AFF3: variants seen among roughly 807,000 people sequenced by gnomAD.
The protein encoded by AFF3 is ALF transcription elongation factor 3, also known as AF4/FMR2 family member 3.
A neutral mutation model predicts 129.7 loss-of-function variants in AFF3; 32 were observed. That is an observed-to-expected ratio of 0.25 (90% confidence interval 0.19 to 0.33). The LOEUF is 0.33. Ranked by LOEUF, AFF3 falls within the 10% of genes least tolerant of loss-of-function variation. The probability of loss-of-function intolerance (pLI) is 1.00; values close to 1 mark genes in which losing one functional copy is unlikely to be tolerated. For synonymous variants in AFF3, 644 were observed against 635.4 expected, an observed-to-expected ratio of 1.01 and a Z score of -0.20; for missense variants, 1,373 against 1,592.0, an observed-to-expected ratio of 0.86 and a Z score of 2.34.
intron 13 of AFF3, among the ~76,000 whole-genome samples, chr2:99,646,230 T>C (rs1051258984): frequency 6.6e-6 from 1 of 152,130 alleles, no homozygotes. Flanking sequence ...AGGTTGAGGC[T>C]CAGTGGAAGT....
intron 13 of AFF3, among the ~76,000 whole-genome samples, chr2:99,623,987 G>A (rs1464043859): frequency 2.0e-5 from 3 of 152,212 alleles, no homozygotes; most frequent in Admixed American, 6.5e-5. Flanking sequence ...ATTTCAATAT[G>A]CCAACCACAG....
intron 11 of AFF3, among the ~76,000 whole-genome samples, chr2:99,687,949 T>C (rs1675230029): frequency 6.6e-6 from 1 of 152,170 alleles, no homozygotes; most frequent in Non-Finnish European, 1.5e-5. Flanking sequence ...TTCAAGCTGT[T>C]CTCCTGCCTC....
At chr2:100,124,911 A>G (rs1168630889) in intron 2 of AFF3, among the ~76,000 whole-genome samples, 1 of 152,216 alleles carries the variant, frequency 6.6e-6, no homozygotes, top group African/African-American at 2.4e-5. Context: ...GATTCTGGGA[A>G]CCTTGATCAG....
intron 4 of AFF3, among the ~76,000 whole-genome samples, chr2:100,092,680 G>C (rs1370053280): frequency 1.1e-4 from 17 of 152,112 alleles, no homozygotes; most frequent in Non-Finnish European, 2.1e-4. Flanking sequence ...TTCACAACTT[G>C]CTAATTTTCA....
intron 4 of AFF3, among the ~76,000 whole-genome samples, chr2:100,076,584 C>T (rs557208900): frequency 4.6e-5 from 7 of 152,274 alleles, no homozygotes; most frequent in Non-Finnish European, 8.8e-5. Flanking sequence ...ACCACTGAGT[C>T]CAAGTAAACA....
chr2:99,894,214 A>G (rs1437790878), intron 7 of AFF3, among the ~76,000 whole-genome samples: 1 of 140,078 alleles, frequency 7.1e-6, no homozygotes, highest in Non-Finnish European at 1.5e-5. Flanking sequence ...CCTTTTTTTG[A>G]AAAAAAAAAA....
At chr2:99,931,865 T>C (rs7573669) in intron 7 of AFF3, among the ~76,000 whole-genome samples, 38,131 of 152,078 alleles carry the variant, frequency 0.25, 7,559 homozygotes, top group African/African-American at 0.55. Flanking sequence ...GCCGAAATGG[T>C]GCCATTGCAC....
intron 10 of AFF3, among the ~76,000 whole-genome samples, chr2:99,739,017 T>TTTTTTC (rs1228434247): frequency 1.3e-5 from 2 of 151,498 alleles, no homozygotes; most frequent in Non-Finnish European, 2.9e-5. Flanking sequence ...TGTTCAATTT[T>TTTTTTC]TTTTTTTTTT....
At chr2:99,723,165 CG>C (rs1679058560) in intron 11 of AFF3, among the ~76,000 whole-genome samples, 1 of 152,220 alleles carries the variant, frequency 6.6e-6, no homozygotes, top group East Asian at 1.9e-4. Context: ...TGTGTGTGCA[CG>C]CATGTTAAGA....
intron 7 of AFF3, among the ~76,000 whole-genome samples, chr2:99,947,657 C>T (rs185695225): frequency 4.1e-4 from 59 of 145,156 alleles, no homozygotes; most frequent in Admixed American, 9.9e-4. Flanking sequence ...GATAGATAGA[C>T]AGACAGACAG....
intron 7 of AFF3, among the ~76,000 whole-genome samples, chr2:99,933,239 G>T (rs1265042724): frequency 2.0e-5 from 3 of 152,084 alleles, no homozygotes; most frequent in Non-Finnish European, 4.4e-5. Flanking sequence ...TCAAAGACTT[G>T]GGGATTACTT....
At chr2:99,993,846 C>A (rs1190003838) in intron 7 of AFF3, among the ~76,000 whole-genome samples, 1 of 115,110 alleles carries the variant, frequency 8.7e-6, no homozygotes, top group Admixed American at 1.2e-4. Context: ...AATCTTGTTG[C>A]CCAGGCTGGA....
rs72966479 is a variant in AFF3 at position 100,080,303 on chromosome 2, G to A, written c.53+24099C>T. Among the ~76,000 whole-genome samples the A allele has an allele frequency of 8.7e-3, 1,332 of 152,278 alleles. 16 individuals are homozygous for A. The highest frequency in any genetic ancestry group is 0.029 in the African/African-American group (1,213 of 41,558). Reference sequence around the variant, plus strand: ...AATATAGGTAAAGATGCTATTATTAGTAGTTAGATGTTTATTGTAATTTTG... The same window carrying A: ...AATATAGGTAAAGATGCTATTATTAATAGTTAGATGTTTATTGTAATTTTG... On this transcript the variant is annotated intron_variant, in intron 4 of 24. Coordinates refer to ENST00000672756, the MANE Select transcript of AFF3 (RefSeq NM_001386135.1).
At chr2:99,988,877 G>T (rs1680101222) in intron 7 of AFF3, among the ~76,000 whole-genome samples, 1 of 152,094 alleles carries the variant, frequency 6.6e-6, no homozygotes, top group Admixed American at 6.6e-5. Context: ...ATATTTATTT[G>T]GCAGTCTATG....
chr2:99,996,318 G>A (rs1680823545), intron 7 of AFF3, among the ~76,000 whole-genome samples: 1 of 152,144 alleles, frequency 6.6e-6, no homozygotes, highest in African/African-American at 2.4e-5. Flanking sequence ...AAAAAGACCA[G>A]AAGGATCTGC....
intron 8 of AFF3, among the ~76,000 whole-genome samples, chr2:99,792,869 T>A (rs565108498): frequency 6.6e-5 from 10 of 152,322 alleles, no homozygotes; most frequent in Admixed American, 3.3e-4. Context: ...AAGGTTGATA[T>A]CAGACTAATG....
At chr2:99,561,480 G>C (rs934100580) in intron 20 of AFF3, among the ~76,000 whole-genome samples, 23 of 152,172 alleles carry the variant, frequency 1.5e-4, no homozygotes, top group African/African-American at 4.8e-4. Context: ...CTTCAATTTA[G>C]ATACCTTTAC....
chr2:100,020,821 C>A (rs1045626269), intron 4 of AFF3, among the ~76,000 whole-genome samples: 1 of 152,214 alleles, frequency 6.6e-6, no homozygotes, highest in South Asian at 2.1e-4. Context: ...ATGTATCTCC[C>A]GGCTGCTCTT....
intron 4 of AFF3, among the ~76,000 whole-genome samples, chr2:100,064,121 A>AAAAGAAAAGAAAAGAAAAGG (rs1559099106): frequency 3.0e-5 from 4 of 134,338 alleles, no homozygotes; most frequent in African/African-American, 1.0e-4. Context: ...AAAAGAAAAG[A>AAAAGAAAAGAAAAGAAAAGG]AAAGAAAAGA....
Sources: gnomAD v4.1 joint callset for allele counts (sites outside exome capture counted in the v4.1 genomes callset) on GRCh38, gnomAD v4.1.1 for gene constraint, MANE v1.5 for transcripts, NCBI Gene and HGNC (gene_info 2026-07-23, HGNC 2026-07-21) for gene names.